The following GRM3 variants were observed in gnomAD, a reference collection of about 807,000 sequenced individuals.
GRM3 encodes the protein metabotropic glutamate receptor 3.
In GRM3, 26 loss-of-function variants were observed where a neutral mutation model predicts 70.5. The ratio of observed to expected loss-of-function variants is 0.37; its 90% CI spans 0.27 to 0.51. The LOEUF (loss-of-function observed/expected upper bound fraction) is 0.51, where lower values mean the gene tolerates loss of function less well. Ranked by LOEUF, GRM3 falls within the 20% of genes least tolerant of loss-of-function variation. The pLI, the probability that GRM3 is intolerant of heterozygous loss-of-function variation, is 0.93. For missense variants in GRM3, 859 were observed against 1,123.8 expected (o/e 0.76, Z 3.37); for synonymous variants, 443 against 434.9 (o/e 1.02, Z -0.23).
chr7:86,799,372 C>T (rs1357142325), intron 3 of GRM3, among the ~76,000 whole-genome samples: 1 of 152,140 alleles, frequency 6.6e-6, no homozygotes, highest in Admixed American at 6.5e-5. Flanking sequence ...CCGGACACAA[C>T]TTCCAATAAT....
rs760469587 is a variant in GRM3, at chr7:86,765,437, A to G, written c.292A>G (p.Thr98Ala). The change falls in exon 2 of 6, where the codon ACA (threonine) becomes GCA (alanine). Residue 98 changes from threonine (T) to alanine (A), a missense_variant. Physicochemically the swap from Thr to Ala is moderately conservative, Grantham distance 58. Transcript: ENST00000361669. The part of the protein sequence containing the change: ...GVKLGVHILD[T>A]CSRDTYALEQ... Reference sequence around the variant, plus strand: ...GAAGTTGGGTGTTCACATTTTGGATACATGTTCAAGGGATACCTATGCATT... The same window carrying G: ...GAAGTTGGGTGTTCACATTTTGGATGCATGTTCAAGGGATACCTATGCATT... 6.2e-7 allele frequency: 1 copy of G among 1,613,922 alleles called. No individual in the cohort carries two copies.
chr7:86,684,794 A>C (rs1269655754), intron 1 of GRM3, among the ~76,000 whole-genome samples: 1 of 152,228 alleles, frequency 6.6e-6, no homozygotes, highest in Non-Finnish European at 1.5e-5. Flanking sequence ...TTAAATAAAG[A>C]GTCCAACAGC....
intron 3 of GRM3, among the ~76,000 whole-genome samples, chr7:86,820,025 A>C (rs1798089033): frequency 6.6e-6 from 1 of 152,094 alleles, no homozygotes; most frequent in Non-Finnish European, 1.5e-5. Flanking sequence ...CAAAGCTTTC[A>C]TTTTTGATGG....
intron 1 of GRM3, among the ~76,000 whole-genome samples, chr7:86,732,493 A>G (rs1795757236): frequency 6.6e-6 from 1 of 152,234 alleles, no homozygotes. Flanking sequence ...TAGTTCAGAG[A>G]CTATAGTTCA....
chr7:86,718,559 G>A (rs1795377480), intron 1 of GRM3, among the ~76,000 whole-genome samples: 1 of 151,940 alleles, frequency 6.6e-6, no homozygotes, highest in Non-Finnish European at 1.5e-5. Flanking sequence ...GGGAGGATAG[G>A]GGTGTTATTT....
At chr7:86,702,897 G>A (rs1794975245) in intron 1 of GRM3, among the ~76,000 whole-genome samples, 1 of 151,804 alleles carries the variant, frequency 6.6e-6, no homozygotes, top group Non-Finnish European at 1.5e-5. Context: ...CCCTTAATGA[G>A]AAAAAATACA....
chr7:86,773,081 C>A (rs947355047), intron 2 of GRM3, among the ~76,000 whole-genome samples: 1 of 152,008 alleles, frequency 6.6e-6, no homozygotes, highest in South Asian at 2.1e-4. Flanking sequence ...GTTTGGGGTA[C>A]AAATGATCCT....
chr7:86,805,216 G>A (rs1797764228), intron 3 of GRM3, among the ~76,000 whole-genome samples: 1 of 152,156 alleles, frequency 6.6e-6, no homozygotes, highest in South Asian at 2.1e-4. Flanking sequence ...TGAAGAACCA[G>A]GGAAAATTTA....
chr7:86,839,323 C>T lies in GRM3; in HGVS notation c.1809C>T (p.Asn603=), dbSNP rs1798517480. The change falls in exon 4 of 6, where the codon AAC becomes AAT. Residue 603 remains asparagine (N), a synonymous_variant. Coordinates refer to ENST00000361669, the MANE Select transcript of GRM3 (RefSeq NM_000840.3). The surrounding 1 kb of genome is among the most constrained non-coding windows in gnomAD (Gnocchi z 4.5). ...TAACTGTTTTTATCAAGCACAACAA[C>T]ACACCCTTGGTCAAAGCATCGGGCC... ...MVVTVFIKHN[N]TPLVKASGRE... 6.2e-7 allele frequency: 1 copy of T among 1,613,974 alleles called. No homozygotes were observed. The highest frequency in any genetic ancestry group is 8.5e-7 in the Non-Finnish European group (1 of 1,179,846).
At chr7:86,804,945 C>A (rs1361858613) in intron 3 of GRM3, among the ~76,000 whole-genome samples, 1 of 152,130 alleles carries the variant, frequency 6.6e-6, no homozygotes, top group Admixed American at 6.5e-5. Context: ...GATCCCAACT[C>A]TACAAATTTT....
Position 86,671,492 on chromosome 7 carries a change from C to A in GRM3, c.-141+26620C>A, listed in dbSNP as rs802454. On this transcript the variant is annotated intron_variant, in intron 1 of 5. Transcript: ENST00000361669. Reference sequence around the variant, plus strand: ...CAAATTCTGTGCCCATATTTTGTTTCCAGTAAAATGCATATGTATTCCCAA... The same window carrying A: ...CAAATTCTGTGCCCATATTTTGTTTACAGTAAAATGCATATGTATTCCCAA... 3.1e-4 allele frequency among the ~76,000 whole-genome samples: 47 copies of A among 152,260 alleles called. 1 individual carries two copies. The highest frequency in any genetic ancestry group is 1.1e-3 in the African/African-American group (45 of 41,570).
chr7:86,747,425 A>G, intron 1 of GRM3, among the ~76,000 whole-genome samples: 1 of 152,104 alleles, frequency 6.6e-6, no homozygotes, highest in East Asian at 1.9e-4. Context: ...ATTTTATTTT[A>G]TAAAAAGGTT....
chr7:86,709,698 A>G (rs1795148341), intron 1 of GRM3, among the ~76,000 whole-genome samples: 2 of 152,116 alleles, frequency 1.3e-5, no homozygotes, highest in African/African-American at 4.8e-5. Flanking sequence ...AGACCTTGAA[A>G]TGATATCATA....
At chr7:86,687,491 ATAT>A (rs76697629) in intron 1 of GRM3, among the ~76,000 whole-genome samples, 44,804 of 151,596 alleles carry the variant, frequency 0.3, 8,437 homozygotes, top group East Asian at 0.72. Context: ...GAAAAAAATA[ATAT>A]TATCAACCTA....
At chr7:86,749,283 A>G (rs1017255692) in intron 1 of GRM3, among the ~76,000 whole-genome samples, 1 of 152,034 alleles carries the variant, frequency 6.6e-6, no homozygotes, top group Non-Finnish European at 1.5e-5. Context: ...CACAGGTCCT[A>G]TAAAGTGGCA....
At chr7:86,821,562 G>A (rs1470085893) in intron 3 of GRM3, among the ~76,000 whole-genome samples, 1 of 152,090 alleles carries the variant, frequency 6.6e-6, no homozygotes, top group African/African-American at 2.4e-5. Context: ...AAAATGAAGT[G>A]GACAGTACAT....
chr7:86,690,501 C>T (rs1346876135), intron 1 of GRM3, among the ~76,000 whole-genome samples: 1 of 152,076 alleles, frequency 6.6e-6, no homozygotes, highest in African/African-American at 2.4e-5. Flanking sequence ...ATAATGCTTG[C>T]CTGGACTGGA....
At chr7:86,779,700 G>A (rs536353693) in intron 2 of GRM3, among the ~76,000 whole-genome samples, 126 of 152,334 alleles carry the variant, frequency 8.3e-4, no homozygotes, top group Non-Finnish European at 1.4e-3. Flanking sequence ...TCATTCTGAA[G>A]TCAGGCATTA....
rs1322641478 is a variant in GRM3 at position 86,864,664 on chromosome 7, AC to A, written c.*310del. 287 of 223,848 alleles carry A rather than the reference AC, an allele frequency of 1.3e-3. No individual in the cohort carries two copies. The highest frequency in any genetic ancestry group is 6.0e-3 in the African/African-American group (253 of 42,162). 13.9% of individuals were successfully genotyped at this position (223,848 alleles called of 1,614,324 possible). Reference sequence around the variant, plus strand: ...AAAAAAAAAAAACAAAAAAAAAAAAACAAAAGAAAAAAATAAAAATACGGTG... The same window carrying A: ...AAAAAAAAAAAACAAAAAAAAAAAAAAAAAGAAAAAAATAAAAATACGGTG... On this transcript the variant is annotated 3_prime_UTR_variant, in exon 6 of 6. Coordinates refer to ENST00000361669, the MANE Select transcript of GRM3 (RefSeq NM_000840.3).
Sources: gnomAD v4.1 joint callset for allele counts (sites outside exome capture counted in the v4.1 genomes callset) on GRCh38, gnomAD v4.1.1 for gene constraint, Gnocchi (gnomAD v3.1) non-coding constraint, MANE v1.5 for transcripts, NCBI Gene and HGNC (gene_info 2026-07-23, HGNC 2026-07-21) for gene names.